The following GNG12 variants were observed in gnomAD, a reference collection of about 807,000 sequenced individuals.
GNG12 encodes the protein G protein subunit gamma 12.
For synonymous variants in GNG12, 28 were observed against 29.7 expected, an observed-to-expected ratio of 0.94 and a Z score of 0.19; for missense variants, 69 against 83.8, an observed-to-expected ratio of 0.82 and a Z score of 0.69.
At chr1:67,817,304 G>A (rs1191559692) in intron 1 of GNG12, among the ~76,000 whole-genome samples, 1 of 152,218 alleles carries the variant, frequency 6.6e-6, no homozygotes, top group South Asian at 2.1e-4. Flanking sequence ...AGCACTTTAT[G>A]TATACAATCT....
intron 1 of GNG12, among the ~76,000 whole-genome samples, chr1:67,827,862 T>C (rs1647020361): frequency 6.6e-6 from 1 of 152,212 alleles, no homozygotes; most frequent in African/African-American, 2.4e-5. Context: ...AAGACTAACA[T>C]GATAAACCAA....
chr1:67,808,006 C>T (rs763180434), intron 1 of GNG12, among the ~76,000 whole-genome samples: 4 of 151,904 alleles, frequency 2.6e-5, no homozygotes, highest in East Asian at 1.9e-4. Context: ...AAAGACATTA[C>T]GAGAAAACTT....
chr1:67,718,727 T>C (rs1272135100), intron 2 of GNG12, among the ~76,000 whole-genome samples: 2 of 152,158 alleles, frequency 1.3e-5, no homozygotes, highest in Admixed American at 6.6e-5. Flanking sequence ...TTCAATCTGA[T>C]CTACCCTGAC....
At chr1:67,784,807 A>G (rs1178835568) in intron 1 of GNG12, among the ~76,000 whole-genome samples, 2 of 35,008 alleles carry the variant, frequency 5.7e-5, no homozygotes, top group East Asian at 8.5e-4. Flanking sequence ...TGTCACAGCT[A>G]TATTTTGTAT....
At chr1:67,765,159 T>C (rs1646628246) in intron 2 of GNG12, among the ~76,000 whole-genome samples, 1 of 152,148 alleles carries the variant, frequency 6.6e-6, no homozygotes, top group Non-Finnish European at 1.5e-5. Context: ...TATAATAATC[T>C]ATAAAATGTA....
intron 1 of GNG12, among the ~76,000 whole-genome samples, chr1:67,832,122 A>T (rs1170084705): frequency 6.6e-6 from 1 of 152,244 alleles, no homozygotes; most frequent in African/African-American, 2.4e-5. Flanking sequence ...CGGCAAAGAC[A>T]GCAGGGGGGA....
At chr1:67,755,324 G>T (rs183061516) in intron 2 of GNG12, among the ~76,000 whole-genome samples, 101 of 152,290 alleles carry the variant, frequency 6.6e-4, no homozygotes, top group African/African-American at 2.3e-3. Flanking sequence ...CTGTTACTTG[G>T]AGCTCAAACA....
intron 2 of GNG12, among the ~76,000 whole-genome samples, chr1:67,751,822 C>G (rs1211701557): frequency 6.6e-6 from 1 of 152,140 alleles, no homozygotes; most frequent in Non-Finnish European, 1.5e-5. Context: ...AAACAGAAAC[C>G]TCTCTCAAGA....
At chr1:67,752,532 T>C (rs1646544741) in intron 2 of GNG12, among the ~76,000 whole-genome samples, 2 of 152,184 alleles carry the variant, frequency 1.3e-5, no homozygotes, top group Admixed American at 1.3e-4. Context: ...TCTTTTCCTC[T>C]TGCACTCACG....
intron 1 of GNG12, among the ~76,000 whole-genome samples, chr1:67,825,685 C>T (rs945502590): frequency 2.6e-5 from 4 of 152,222 alleles, no homozygotes; most frequent in Non-Finnish European, 5.9e-5. Flanking sequence ...AAGGCTCCTG[C>T]AACCACTGTT....
chr1:67,785,228 A>G (rs561699180), intron 1 of GNG12, among the ~76,000 whole-genome samples: 8 of 152,192 alleles, frequency 5.3e-5, no homozygotes, highest in Non-Finnish European at 1.0e-4. Flanking sequence ...AAATGTTAGC[A>G]TTATTTCAGC....
chr1:67,823,929 T>C (rs1646997180), intron 1 of GNG12, among the ~76,000 whole-genome samples: 1 of 152,166 alleles, frequency 6.6e-6, no homozygotes, highest in Admixed American at 6.5e-5. Context: ...TAAACCATGG[T>C]ACATCCACAT....
At chr1:67,721,973 G>C (rs1265012081) in intron 2 of GNG12, among the ~76,000 whole-genome samples, 1 of 151,994 alleles carries the variant, frequency 6.6e-6, no homozygotes, top group East Asian at 1.9e-4. Flanking sequence ...GTTCTTGGTG[G>C]GCTGACAAAG....
intron 1 of GNG12, among the ~76,000 whole-genome samples, chr1:67,795,852 G>C (rs1455500250): frequency 6.6e-6 from 1 of 152,148 alleles, no homozygotes; most frequent in African/African-American, 2.4e-5. Flanking sequence ...TGCAAAGGCA[G>C]GCAGACCAAC....
At chr1:67,766,163 C>G in intron 2 of GNG12, among the ~76,000 whole-genome samples, 1 of 146,540 alleles carries the variant, frequency 6.8e-6, no homozygotes, top group Admixed American at 6.8e-5. Flanking sequence ...TAAACAATGC[C>G]CTCATAGACA....
At chr1:67,717,681 T>A (rs682344) in intron 2 of GNG12, among the ~76,000 whole-genome samples, 2 of 151,926 alleles carry the variant, frequency 1.3e-5, no homozygotes, top group African/African-American at 4.8e-5. Context: ...AAAAGCCTGA[T>A]TTTGTTAACA....
chr1:67,752,179 C>T (rs938792307), intron 2 of GNG12, among the ~76,000 whole-genome samples: 4 of 152,112 alleles, frequency 2.6e-5, no homozygotes, highest in Admixed American at 6.5e-5. Flanking sequence ...GGAAATCTAA[C>T]GTATACTCCT....
At chr1:67,783,200 G>A (rs534702998) in intron 1 of GNG12, among the ~76,000 whole-genome samples, 2 of 152,104 alleles carry the variant, frequency 1.3e-5, no homozygotes, top group Non-Finnish European at 2.9e-5. Flanking sequence ...ATAGACATAA[G>A]TGTTTCATGT....
At chr1:67,786,935 ATGTGTGTG>A (rs60096043) in intron 1 of GNG12, among the ~76,000 whole-genome samples, 1,627 of 133,446 alleles carry the variant, frequency 0.012, 69 homozygotes, top group African/African-American at 0.04. Context: ...TTATATATAT[ATGTGTGTG>A]TGTGTGTGTG....
Sources: gnomAD v4.1 joint callset for allele counts (sites outside exome capture counted in the v4.1 genomes callset) on GRCh38, gnomAD v4.1.1 for gene constraint, MANE v1.5 for transcripts, NCBI Gene and HGNC (gene_info 2026-07-23, HGNC 2026-07-21) for gene names.